Variants in CFAP77 observed in about 807,000 individuals in gnomAD.
The protein encoded by CFAP77 is cilia and flagella associated protein 77, also known as cilia- and flagella-associated protein 77.
A neutral mutation model predicts 31.1 loss-of-function variants in CFAP77; 25 were observed. The observed-to-expected ratio is 0.80, with a 90% CI of 0.59 to 1.12. The LOEUF (loss-of-function observed/expected upper bound fraction) is 1.12, where lower values mean the gene tolerates loss of function less well. Among genes scored for constraint, CFAP77 ranks in the 50% most tolerant of loss-of-function variants. The probability of loss-of-function intolerance (pLI) is 0.00; values close to 1 mark genes in which losing one functional copy is unlikely to be tolerated. For synonymous variants in CFAP77, 151 were observed against 159.9 expected (o/e 0.94, Z 0.42); for missense variants, 377 against 397.3 (o/e 0.95, Z 0.44).
At chr9:132,461,909 C>T (rs1053143283) in intron 1 of CFAP77, among the ~76,000 whole-genome samples, 2 of 152,224 alleles carry the variant, frequency 1.3e-5, no homozygotes, top group African/African-American at 2.4e-5. Context: ...ATTTTTTAAA[C>T]GCCCCAAGGG....
intron 1 of CFAP77, among the ~76,000 whole-genome samples, chr9:132,457,743 A>G (rs1341349461): frequency 6.6e-6 from 1 of 152,246 alleles, no homozygotes; most frequent in Non-Finnish European, 1.5e-5. Context: ...CTCCTCCGGC[A>G]GTCGAAAACA....
intron 1 of CFAP77, among the ~76,000 whole-genome samples, chr9:132,438,065 TG>T (rs1485118449): frequency 1.3e-5 from 2 of 150,496 alleles, no homozygotes; most frequent in African/African-American, 4.9e-5. Flanking sequence ...ATTAGCAGGG[TG>T]TGGTGGGCTA....
intron 5 of CFAP77, among the ~76,000 whole-genome samples, chr9:132,556,802 T>G (rs2119092331): frequency 6.6e-6 from 1 of 152,334 alleles, no homozygotes; most frequent in African/African-American, 2.4e-5. Flanking sequence ...TGCTTCCAAT[T>G]AGGAGCCGAG....
At position 132,455,499 on chromosome 9, in the gene CFAP77, C is replaced by T. The variant is rs1850896828; in HGVS notation, c.196-43196C>T. 6.7e-6 allele frequency among the ~76,000 whole-genome samples: 1 copy of T among 149,524 alleles called. No individual in the cohort carries two copies. The highest frequency in any genetic ancestry group is 2.1e-4 in the South Asian group (1 of 4,744). On this transcript the variant is annotated intron_variant, in intron 1 of 5. Coordinates refer to ENST00000393216, the MANE Select transcript of CFAP77 (RefSeq NM_001282957.2). This position sits in a 1 kb window ranked among gnomAD's most constrained non-coding sequence, Gnocchi z 4.1. Reference sequence around the variant, plus strand: ...CTCTAGCCTGGGTGGCAGAGCGAGACTCCTGAAAAAAAAAAACAAAAAAAC... The same window carrying T: ...CTCTAGCCTGGGTGGCAGAGCGAGATTCCTGAAAAAAAAAAACAAAAAAAC...
In CFAP77 at chr9:132,545,368, G is replaced by A. The variant is rs1852714736; in HGVS notation, c.732+2321G>A. ...ACCTTCCTTGCCCAGAGAGTGGCGGGGACAGGAACCCAGGTGTGTCTGATG... is the reference window on the plus strand; with the variant it reads ...ACCTTCCTTGCCCAGAGAGTGGCGGAGACAGGAACCCAGGTGTGTCTGATG... On this transcript the variant is annotated intron_variant, in intron 5 of 5. Coordinates refer to ENST00000393216, the MANE Select transcript of CFAP77 (RefSeq NM_001282957.2). This position sits in a 1 kb window ranked among gnomAD's most constrained non-coding sequence, Gnocchi z 4.6. 6.6e-6 allele frequency among the ~76,000 whole-genome samples: 1 copy of A among 152,184 alleles called. No individual in the cohort carries two copies. Among genetic ancestry groups the A allele is most frequent in the South Asian group, 2.1e-4 (1 of 4,818 alleles).
intron 4 of CFAP77, 84 bp downstream of exon 4, chr9:132,537,790 C>G (rs1301648203): frequency 3.0e-6 from 3 of 996,962 alleles, no homozygotes; most frequent in Non-Finnish European, 4.7e-6. Context: ...ATCGAGATGA[C>G]ACTTGTGTAT....
intron 1 of CFAP77, among the ~76,000 whole-genome samples, chr9:132,493,873 T>C (rs913043437): frequency 3.3e-5 from 5 of 152,040 alleles, no homozygotes; most frequent in African/African-American, 7.2e-5. Context: ...TCTTTTCTTT[T>C]CTTTCCTTTT....
At chr9:132,542,530 T>C (rs966475915) in intron 4 of CFAP77, among the ~76,000 whole-genome samples, 1 of 152,208 alleles carries the variant, frequency 6.6e-6, no homozygotes, top group African/African-American at 2.4e-5. Context: ...ATGGAGGACC[T>C]GCTCTAAAAG....
intron 1 of CFAP77, among the ~76,000 whole-genome samples, chr9:132,413,942 G>T (rs137962876): frequency 1.1e-3 from 162 of 152,322 alleles, no homozygotes; most frequent in African/African-American, 3.8e-3. Context: ...TTTGGGGCTG[G>T]AAGACATCTT....
intron 3 of CFAP77, among the ~76,000 whole-genome samples, chr9:132,533,170 C>T (rs190269365): frequency 8.5e-5 from 13 of 152,304 alleles, no homozygotes; most frequent in East Asian, 7.7e-4. Context: ...CGAGATCCCA[C>T]GGTGACCCAG....
rs1488411076 is a variant in CFAP77, at chr9:132,572,502, C to T, written c.847C>T (p.His283Tyr). 1.9e-6 allele frequency: 3 copies of T among 1,604,830 alleles called. No homozygotes were observed. Among genetic ancestry groups the T allele is most frequent in the Non-Finnish European group, 2.5e-6 (3 of 1,179,276 alleles). ...GACCCTGCGGATGGGCAACTACACCCACCCCTAGCCCCTCCCTCCCCTGCC... is the reference window on the plus strand; with the variant it reads ...GACCCTGCGGATGGGCAACTACACCTACCCCTAGCCCCTCCCTCCCCTGCC... ...QGTLRMGNYT[H>Y]P The change falls in exon 6 of 6, where the codon CAC becomes TAC. Residue 283 changes from histidine to tyrosine, a missense_variant. His to Tyr is a moderately conservative substitution (Grantham distance 83). Transcript: ENST00000393216.
rs569796339 is a variant in CFAP77, at chr9:132,499,285, G to A, written c.296-87G>A. ...AGGTAAATGGGAAGGCCGAGGACCC[G>A]CGTGCCCCCATTTCTTCTCGATCAG... On this transcript the variant is annotated intron_variant, in intron 2 of 5. Transcript: ENST00000393216. The surrounding 1 kb of genome is among the most constrained non-coding windows in gnomAD (Gnocchi z 5.4). The A allele has an allele frequency of 3.9e-5, 46 of 1,193,904 alleles. No individual in the cohort carries two copies. Among genetic ancestry groups the A allele is most frequent in the South Asian group, 3.0e-4 (22 of 73,898 alleles). 74.0% of individuals were successfully genotyped at this position (1,193,904 alleles called of 1,614,324 possible). A position where few individuals can be genotyped will look rare whatever the true frequency, so the allele number is the denominator to read the frequency against.
intron 3 of CFAP77, among the ~76,000 whole-genome samples, chr9:132,532,775 G>A (rs542879327): frequency 2.6e-5 from 4 of 152,248 alleles, no homozygotes; most frequent in East Asian, 3.9e-4. Context: ...TAAACCAGGC[G>A]TGGTGGTTCA....
chr9:132,565,222 C>T lies in CFAP77; in HGVS notation c.733-7166C>T, dbSNP rs1471415393. Among the ~76,000 whole-genome samples, 3 of 151,798 alleles carry T rather than the reference C, an allele frequency of 2.0e-5. No individual in the cohort carries two copies. The highest frequency in any genetic ancestry group is 2.9e-5 in the Non-Finnish European group (2 of 67,954). On this transcript the variant is annotated intron_variant, in intron 5 of 5. Transcript: ENST00000393216. The surrounding 1 kb of genome is among the most constrained non-coding windows in gnomAD (Gnocchi z 4.1). ...CTCGCTTTCATTTCCTGGAATTCAC[C>T]CCCATTCCTCCTTTGCCCCTTCCTT...
chr9:132,530,575 A>G (rs117134725), intron 3 of CFAP77, among the ~76,000 whole-genome samples: 1 of 152,158 alleles, frequency 6.6e-6, no homozygotes, highest in East Asian at 1.9e-4. Context: ...ATGCCTGGCC[A>G]TCAGTTTTCT....
chr9:132,526,277 T>G (rs1852359506), intron 3 of CFAP77, among the ~76,000 whole-genome samples: 1 of 152,130 alleles, frequency 6.6e-6, no homozygotes, highest in South Asian at 2.1e-4. Flanking sequence ...TTGCCCAGGC[T>G]GGAGTGCAGT....
At chr9:132,427,342 C>T (rs1471370843) in intron 1 of CFAP77, among the ~76,000 whole-genome samples, 1 of 152,196 alleles carries the variant, frequency 6.6e-6, no homozygotes, top group Admixed American at 6.5e-5. Flanking sequence ...GCAATTCCGG[C>T]CATGCCCAGC....
chr9:132,551,591 C>A (rs1166793969), intron 5 of CFAP77, among the ~76,000 whole-genome samples: 8 of 152,180 alleles, frequency 5.3e-5, no homozygotes, highest in Non-Finnish European at 1.2e-4. Context: ...CCACCACGCC[C>A]GGCCCAAGCC....
rs1852717194 is a variant in CFAP77 at position 132,545,555 on chromosome 9, C to G, written c.732+2508C>G. Among the ~76,000 whole-genome samples, 1 of 152,216 alleles carries G rather than the reference C, an allele frequency of 6.6e-6. No individual in the cohort carries two copies. Among genetic ancestry groups the G allele is most frequent in the African/African-American group, 2.4e-5 (1 of 41,450 alleles). ...GCAGGCTGTCTCCCTATCCTACTTG[C>G]CAGAAACCTGGGGCCAAGGGAAATG... On this transcript the variant is annotated intron_variant, in intron 5 of 5. Transcript: ENST00000393216. The surrounding 1 kb of genome is among the most constrained non-coding windows in gnomAD (Gnocchi z 4.6).
Sources: gnomAD v4.1 joint callset for allele counts (sites outside exome capture counted in the v4.1 genomes callset) on GRCh38, gnomAD v4.1.1 for gene constraint, Gnocchi (gnomAD v3.1) non-coding constraint, MANE v1.5 for transcripts, NCBI Gene and HGNC (gene_info 2026-07-23, HGNC 2026-07-21) for gene names.